The following PDE1C variants were observed in gnomAD, a reference collection of about 807,000 sequenced individuals.
PDE1C encodes the protein dual specificity calcium/calmodulin-dependent 3',5'-cyclic nucleotide phosphodiesterase 1C.
A neutral mutation model predicts 93.1 loss-of-function variants in PDE1C; 62 were observed. The observed-to-expected ratio is 0.67, with a 90% confidence interval of 0.54 to 0.82. PDE1C has a LOEUF of 0.82. Ranked by LOEUF, PDE1C falls within the 40% of genes least tolerant of loss-of-function variation. The pLI, the probability that PDE1C is intolerant of heterozygous loss-of-function variation, is 0.00. For missense variants in PDE1C, 742 were observed against 884.6 expected (o/e 0.84, Z 2.04); for synonymous variants, 325 against 310.1 (o/e 1.05, Z -0.50).
chr7:31,728,281 C>T, the PDE1C span, among the ~76,000 whole-genome samples: 1 of 152,092 alleles, frequency 6.6e-6, no homozygotes, highest in South Asian at 2.1e-4. Context: ...CCAAGGGAGC[C>T]TAGAGCTGCC....
At chr7:31,721,002 C>T in the PDE1C span, among the ~76,000 whole-genome samples, 2 of 152,148 alleles carry the variant, frequency 1.3e-5, no homozygotes, top group Non-Finnish European at 2.9e-5. Flanking sequence ...ACATAGGCCC[C>T]ATCACCAAAT....
chr7:32,282,011 G>T (rs1351087261), intron 1 of PDE1C, among the ~76,000 whole-genome samples: 1 of 152,112 alleles, frequency 6.6e-6, no homozygotes, highest in Non-Finnish European at 1.5e-5. Context: ...GGCCTGTCAT[G>T]GGGTAGGGGA....
intron 2 of PDE1C, among the ~76,000 whole-genome samples, chr7:32,010,751 G>T (rs1186643075): frequency 1.3e-5 from 2 of 152,182 alleles, no homozygotes; most frequent in Non-Finnish European, 1.5e-5. Flanking sequence ...TCTCTCCTTG[G>T]CTTGGAGATG....
At chr7:31,787,117 C>T (rs1311688275) in intron 16 of PDE1C, 1 of 152,110 alleles carries the variant, frequency 6.6e-6, no homozygotes. Context: ...GATAATGTTG[C>T]TTTTTACTTT....
At chr7:32,374,305 A>AAGAAAGAAAG (rs1338645959) in intron 1 of PDE1C, among the ~76,000 whole-genome samples, 1 of 148,946 alleles carries the variant, frequency 6.7e-6, no homozygotes, top group Non-Finnish European at 1.5e-5. Flanking sequence ...GAAAGAAAGA[A>AAGAAAGAAAG]AGAAGAAAAG....
At chr7:32,017,833 C>A (rs986705481) in intron 2 of PDE1C, among the ~76,000 whole-genome samples, 2 of 152,090 alleles carry the variant, frequency 1.3e-5, no homozygotes, top group Non-Finnish European at 2.9e-5. Context: ...AATCCCAGCA[C>A]TTTGGGAGGC....
At chr7:32,387,612 G>A (rs1209044381) in intron 1 of PDE1C, among the ~76,000 whole-genome samples, 8 of 148,404 alleles carry the variant, frequency 5.4e-5, no homozygotes, top group African/African-American at 2.0e-4. Context: ...CGGATGGGGC[G>A]GCTGGCCAGG....
the PDE1C span, among the ~76,000 whole-genome samples, chr7:31,625,216 G>T: frequency 6.6e-6 from 1 of 152,048 alleles, no homozygotes; most frequent in African/African-American, 2.4e-5. Context: ...TCAGTGTGGC[G>T]ATTCCTCAGG....
chr7:31,772,024 C>T (rs888567907), intron 17 of PDE1C, among the ~76,000 whole-genome samples: 2 of 132,876 alleles, frequency 1.5e-5, no homozygotes, highest in East Asian at 2.1e-4. Context: ...CCAGCCTGGG[C>T]GAAAGAGCGG....
chr7:31,907,934 T>C (rs767076937), intron 2 of PDE1C, among the ~76,000 whole-genome samples: 1 of 149,798 alleles, frequency 6.7e-6, no homozygotes, highest in Non-Finnish European at 1.5e-5. Flanking sequence ...TAAAACCTTA[T>C]AGGAGAAATA....
At chr7:32,106,984 GA>G (rs58361423) in intron 3 of PDE1C, among the ~76,000 whole-genome samples, 95,669 of 137,820 alleles carry the variant, frequency 0.69, 32,639 homozygotes, top group Middle Eastern at 0.8. Flanking sequence ...GAAACTCTAA[GA>G]AAAAAAAAAA....
At chr7:32,187,524 A>G (rs1803963331) in intron 2 of PDE1C, among the ~76,000 whole-genome samples, 1 of 152,176 alleles carries the variant, frequency 6.6e-6, no homozygotes, top group Non-Finnish European at 1.5e-5. Context: ...GTTAAGAATT[A>G]TGATGGTATT....
chr7:31,679,582 C>T, the PDE1C span, among the ~76,000 whole-genome samples: 1 of 152,164 alleles, frequency 6.6e-6, no homozygotes, highest in Non-Finnish European at 1.5e-5. Flanking sequence ...ATGTGATATC[C>T]TCTCATATCT....
At chr7:31,853,719 G>T (rs1348810927) in intron 7 of PDE1C, among the ~76,000 whole-genome samples, 7 of 149,908 alleles carry the variant, frequency 4.7e-5, no homozygotes, top group Admixed American at 1.3e-4. Flanking sequence ...TTTTGTTTTT[G>T]TTTTTTTTTA....
chr7:32,335,823 G>T (rs1735466507), intron 1 of PDE1C, among the ~76,000 whole-genome samples: 1 of 151,950 alleles, frequency 6.6e-6, no homozygotes, highest in Non-Finnish European at 1.5e-5. Flanking sequence ...CAACCTCCTA[G>T]CCACAAGTGA....
chr7:31,738,357 C>A, the PDE1C span, among the ~76,000 whole-genome samples: 2 of 152,166 alleles, frequency 1.3e-5, no homozygotes, highest in African/African-American at 4.8e-5. Context: ...GAATGAGGAG[C>A]AAGTCACATC....
intron 2 of PDE1C, among the ~76,000 whole-genome samples, chr7:32,032,936 GA>G (rs1790535099): frequency 6.6e-6 from 1 of 152,158 alleles, no homozygotes. Flanking sequence ...CACAAGGAAA[GA>G]CTAACAAGTG....
At chr7:31,915,198 T>C (rs1801726811) in intron 2 of PDE1C, among the ~76,000 whole-genome samples, 1 of 152,182 alleles carries the variant, frequency 6.6e-6, no homozygotes, top group Admixed American at 6.6e-5. Flanking sequence ...CATGAGTCTG[T>C]ATCCTTTAAT....
chr7:32,215,703 G>A (rs1313523437), intron 1 of PDE1C, among the ~76,000 whole-genome samples: 5 of 152,216 alleles, frequency 3.3e-5, no homozygotes, highest in Admixed American at 3.3e-4. Flanking sequence ...AAGCTAAGGT[G>A]GGCCAACCCG....
Sources: allele counts gnomAD v4.1 joint callset (sites outside exome capture counted in the v4.1 genomes callset), GRCh38; gene constraint gnomAD v4.1.1; transcripts MANE v1.5; gene names NCBI Gene and HGNC (gene_info 2026-07-23, HGNC 2026-07-21).